The following TLN2 variants were observed in gnomAD, a reference collection of about 807,000 sequenced individuals.
The protein encoded by TLN2 is talin 2.
In TLN2, 118 loss-of-function variants were observed where a neutral mutation model predicts 294.7. That is an observed-to-expected ratio of 0.40 (90% confidence interval 0.34 to 0.47). The LOEUF (loss-of-function observed/expected upper bound fraction) is 0.47, where lower values mean the gene tolerates loss of function less well. Ranked by LOEUF, TLN2 falls within the 20% of genes least tolerant of loss-of-function variation. TLN2 has a pLI of 0.84. For missense variants in TLN2, 3,083 were observed against 3,282.2 expected, an observed-to-expected ratio of 0.94 and a Z score of 1.48; for synonymous variants, 1,431 against 1,304.5, an observed-to-expected ratio of 1.10 and a Z score of -2.09.
At chr15:62,698,025 C>T (rs1295558720) in intron 15 of TLN2, among the ~76,000 whole-genome samples, 157 bp downstream of exon 15, 5 of 152,302 alleles carry the variant, frequency 3.3e-5, no homozygotes, top group South Asian at 2.1e-4. Context: ...TTGGATGACT[C>T]GGATCACTGC....
intron 1 of TLN2, among the ~76,000 whole-genome samples, chr15:62,494,150 A>G (rs1407202737): frequency 6.6e-6 from 1 of 151,970 alleles, no homozygotes. Flanking sequence ...TTATCCAAGT[A>G]CCCCAAGCCT....
chr15:62,784,686 G>A (rs2133090), intron 45 of TLN2: 1 of 152,254 alleles, frequency 6.6e-6, no homozygotes, highest in African/African-American at 2.4e-5. Context: ...GCTTCTTAGA[G>A]AAAGGAAGCC....
chr15:62,653,100 G>C lies in TLN2; in HGVS notation c.365-62G>C. Reference sequence around the variant, plus strand: ...GCTCCTTGGAATATCACAGGCCTTAGGCTGGAAGAGGTTGACAGCAGTTTA... The same window carrying C: ...GCTCCTTGGAATATCACAGGCCTTACGCTGGAAGAGGTTGACAGCAGTTTA... On this transcript the variant is annotated intron_variant, in intron 6 of 58. Coordinates refer to ENST00000636159, the MANE Select transcript of TLN2 (RefSeq NM_015059.3). 2.9e-6 allele frequency: 4 copies of C among 1,388,560 alleles called. No individual in the cohort carries two copies. The South Asian group carries it at 6.1e-5, about 21-fold the overall frequency. The allele number at this position is 1,388,560 out of a possible 1,614,324, so 86.0% of individuals were successfully genotyped here. A position where few individuals can be genotyped will look rare whatever the true frequency, so the allele number is the denominator to read the frequency against.
intron 3 of TLN2, chr15:62,638,713 G>T: frequency 2.3e-6 from 1 of 439,180 alleles, no homozygotes; most frequent in Non-Finnish European, 4.6e-6. Context: ...GGGTAGAAAT[G>T]CTGACTTCTC....
chr15:62,639,945 A>G (rs981430883), intron 3 of TLN2, among the ~76,000 whole-genome samples: 2 of 152,212 alleles, frequency 1.3e-5, no homozygotes, highest in Non-Finnish European at 2.9e-5. Flanking sequence ...GCTGGCTCCC[A>G]GTGAAGGCAT....
At chr15:62,670,918 C>T (rs1444266334) in intron 9 of TLN2, among the ~76,000 whole-genome samples, 1 of 152,178 alleles carries the variant, frequency 6.6e-6, no homozygotes, top group African/African-American at 2.4e-5. Flanking sequence ...ATGAGGGTTC[C>T]AGTTTCTCTA....
rs138996172 is a variant in TLN2, at chr15:62,443,029, A to G, written c.-238+52344A>G. Among the ~76,000 whole-genome samples, 289 of 151,846 alleles carry G rather than the reference A, an allele frequency of 1.9e-3. 2 individuals are homozygous for G. Among genetic ancestry groups the G allele is most frequent in the African/African-American group, 6.7e-3 (277 of 41,388 alleles). ...CCTGTCTTCTGACTTTGGTCCTCCT[A>G]CCTCCCCTCTTTTCAGGACCTTTGT... On this transcript the variant is annotated intron_variant, in intron 1 of 58. Transcript: ENST00000636159.
intron 19 of TLN2, among the ~76,000 whole-genome samples, 174 bp downstream of exon 19, chr15:62,703,038 T>A (rs562552084): frequency 6.6e-6 from 1 of 152,300 alleles, no homozygotes; most frequent in South Asian, 2.1e-4. Flanking sequence ...AGATTTTTTT[T>A]AATAGGAAAA....
At chr15:62,483,419 C>T (rs1257914618) in intron 1 of TLN2, among the ~76,000 whole-genome samples, 1 of 152,182 alleles carries the variant, frequency 6.6e-6, no homozygotes, top group Non-Finnish European at 1.5e-5. Flanking sequence ...CTCTTTCGGG[C>T]CAGAACCATT....
In TLN2 at chr15:62,792,737, A is replaced by G. The variant is rs1423725409; in HGVS notation, c.5833A>G (p.Ser1945Gly). ...GGCCCTCCAGGTCTGCCCCACAGAC[A>G]GCTACACCAAGAGGGAGCTGATCGA... ...AGALQVCPTD[S>G]YTKRELIECA... is the part of the protein sequence containing the mutation. Residue 1945 changes from serine (S) to glycine (G), a missense_variant, in exon 46 of 59, where the codon AGC becomes GGC. Transcript: ENST00000636159. 6.2e-6 allele frequency: 10 copies of G among 1,613,994 alleles called. No individual in the cohort carries two copies. The South Asian group carries it at 1.1e-4, about 18-fold the overall frequency.
At chr15:62,444,113 TGG>T (rs2035694006) in intron 1 of TLN2, among the ~76,000 whole-genome samples, 1 of 152,164 alleles carries the variant, frequency 6.6e-6, no homozygotes, top group South Asian at 2.1e-4. Flanking sequence ...TAGCTAATGG[TGG>T]GGTGGAGCCG....
intron 40 of TLN2, among the ~76,000 whole-genome samples, chr15:62,765,704 C>G (rs912907986): frequency 3.9e-5 from 6 of 152,172 alleles, no homozygotes; most frequent in Non-Finnish European, 7.3e-5. Flanking sequence ...CAGCATGATT[C>G]AATTCTTTAG....
At chr15:62,524,537 T>C (rs1036698619) in intron 1 of TLN2, among the ~76,000 whole-genome samples, 2 of 152,168 alleles carry the variant, frequency 1.3e-5, no homozygotes, top group Admixed American at 1.3e-4. Context: ...GAACCTTGGA[T>C]AGGACTTCAG....
At position 62,400,812 on chromosome 15, in the gene TLN2, GT is replaced by G. The variant is rs11369905; in HGVS notation, c.-238+10148del. 7.9e-3 allele frequency among the ~76,000 whole-genome samples: 942 copies of G among 119,462 alleles called. 2 individuals are homozygous for G. Among genetic ancestry groups the G allele is most frequent in the South Asian group, 0.039 (142 of 3,656 alleles). 78.4% of individuals were successfully genotyped at this position (119,462 alleles called of 152,430 possible). On this transcript the variant is annotated intron_variant, in intron 1 of 58. Transcript: ENST00000636159. ...TGTCAGCAAAGGGGTTATGTTTCCG[GT>G]TTTTTTTTTTTTTTTTTTTTGAAGT...
At chr15:62,748,589 T>C (rs988679083) in intron 33 of TLN2, 145 bp downstream of exon 33, 2 of 685,168 alleles carry the variant, frequency 2.9e-6, no homozygotes, top group Non-Finnish European at 4.9e-6. Context: ...TATCTTTCCT[T>C]GGAGGCTGTT....
intron 3 of TLN2, among the ~76,000 whole-genome samples, chr15:62,643,405 ATTTTTTTTTTTTTTTTTT>A (rs571288380): frequency 1.1e-3 from 101 of 90,748 alleles, no homozygotes; most frequent in African/African-American, 5.1e-3. Context: ...TGGTTCCAGG[ATTTTTTTTTTTTTTTTTT>A]TTTTTTTTTT....
intron 9 of TLN2, among the ~76,000 whole-genome samples, chr15:62,660,776 C>T (rs750847033): frequency 5.3e-5 from 8 of 152,066 alleles, no homozygotes; most frequent in Non-Finnish European, 8.8e-5. Context: ...GTGTCAGGTA[C>T]AGGGAAGATA....
chr15:62,623,725 C>G (rs8024415), intron 3 of TLN2, among the ~76,000 whole-genome samples: 1 of 152,098 alleles, frequency 6.6e-6, no homozygotes. Context: ...AGGCAGTTTT[C>G]CACTTGATCC....
chr15:62,689,835 G>T, intron 12 of TLN2, among the ~76,000 whole-genome samples: 1 of 51,720 alleles, frequency 1.9e-5, no homozygotes, highest in Non-Finnish European at 5.2e-5. Flanking sequence ...CAAAATTCTT[G>T]GTATGGGCTT....
Sources: allele counts gnomAD v4.1 joint callset (sites outside exome capture counted in the v4.1 genomes callset), GRCh38; gene constraint gnomAD v4.1.1; transcripts MANE v1.5; gene names NCBI Gene and HGNC (gene_info 2026-07-23, HGNC 2026-07-21).